PASD1: variants seen among roughly 807,000 people sequenced by gnomAD.
PASD1 encodes PAS domain containing repressor 1.
PASD1 carries 13 observed loss-of-function variants against 58.8 expected under a neutral mutation model. The ratio of observed to expected loss-of-function variants is 0.22; its 90% CI spans 0.14 to 0.35. The LOEUF (loss-of-function observed/expected upper bound fraction) is 0.35, where lower values mean the gene tolerates loss of function less well. Among genes scored for constraint, PASD1 ranks in the 10% least tolerant of loss-of-function variants. The pLI, the probability that PASD1 is intolerant of heterozygous loss-of-function variation, is 1.00. For missense variants in PASD1, 734 were observed against 568.3 expected, an observed-to-expected ratio of 1.29 and a Z score of -2.96; for synonymous variants, 236 against 216.7, an observed-to-expected ratio of 1.09 and a Z score of -0.78.
intron 8 of PASD1, among the ~76,000 whole-genome samples, chrX:151,627,993 T>A (rs1462877358): frequency 4.5e-5 from 5 of 112,198 alleles, no homozygotes; most frequent in Non-Finnish European, 9.4e-5. Context: ...TTTGGCTGCA[T>A]AAATGTCTTC....
chrX:151,630,077 C>G (rs1207625811), intron 8 of PASD1, among the ~76,000 whole-genome samples: 1 of 111,643 alleles, frequency 9.0e-6, no homozygotes, highest in Non-Finnish European at 1.9e-5. Context: ...CACTCTTTCC[C>G]CTAAAGTTCA....
chrX:151,589,388 C>T (rs985749902), intron 1 of PASD1, among the ~76,000 whole-genome samples: 2 of 111,556 alleles, frequency 1.8e-5, no homozygotes, highest in Non-Finnish European at 3.8e-5. Flanking sequence ...AGAAACCTCT[C>T]TGTATTGCCA....
intron 15 of PASD1, 124 bp downstream of exon 15, chrX:151,674,310 A>G (rs2124322475): frequency 2.2e-6 from 2 of 892,449 alleles, no homozygotes; most frequent in South Asian, 2.4e-5. Flanking sequence ...AGCTCAGTAC[A>G]TTTGACGGCA....
chrX:151,630,662 C>T lies in PASD1; in HGVS notation c.629+5132C>T, dbSNP rs192215577. Among the ~76,000 whole-genome samples, 160 of 112,314 alleles carry T rather than the reference C, an allele frequency of 1.4e-3. 1 individual carries two copies. Among genetic ancestry groups the T allele is most frequent in the African/African-American group, 4.7e-3 (147 of 30,951 alleles). ...TAGAAAAGCAATTGTTCACAAAGGT[C>T]GTAGGGACCCACAGCTCCCAAAATG... is the stretch of plus-strand genomic sequence containing the variant. On this transcript the variant is annotated intron_variant, in intron 8 of 15. Transcript: ENST00000370357.
intron 1 of PASD1, among the ~76,000 whole-genome samples, chrX:151,586,735 T>A (rs1184112209): frequency 8.9e-6 from 1 of 111,784 alleles, no homozygotes; most frequent in East Asian, 2.8e-4. Context: ...CTTAGAGAAC[T>A]TGATGCCGTG....
At position 151,648,669 on chromosome X, in the gene PASD1, C is replaced by CGCTGCT; in HGVS notation, c.703_708dup (p.Ala235_Ala236dup). The CGCTGCT allele has an allele frequency of 8.3e-6, 10 of 1,209,247 alleles. No individual in the cohort carries two copies. Among genetic ancestry groups the CGCTGCT allele is most frequent in the Non-Finnish European group, 1.1e-5 (10 of 893,980 alleles). On this transcript the variant is annotated inframe_insertion, in exon 9 of 16. Transcript: ENST00000370357. Reference sequence around the variant, plus strand: ...GCATGAAAGCCGTGTACGTTGAACCCGCTGCTGCTGCTGCTGCTGCTGCTA... The same window carrying CGCTGCT: ...GCATGAAAGCCGTGTACGTTGAACCCGCTGCTGCTGCTGCTGCTGCTGCTGCTGCTA...
intron 4 of PASD1, among the ~76,000 whole-genome samples, chrX:151,613,479 C>G (rs1014262474): frequency 3.0e-4 from 33 of 108,789 alleles, no homozygotes; most frequent in African/African-American, 1.1e-3. Flanking sequence ...TTGTTTGTAT[C>G]CTCTTTTATT....
intron 1 of PASD1, among the ~76,000 whole-genome samples, chrX:151,577,977 A>G (rs1407363082): frequency 8.9e-6 from 1 of 111,759 alleles, no homozygotes; most frequent in Non-Finnish European, 1.9e-5. Context: ...CCATTCATAA[A>G]CCTTGGAGGG....
chrX:151,612,232 C>G (rs796813566), intron 4 of PASD1, among the ~76,000 whole-genome samples: 1 of 81,243 alleles, frequency 1.2e-5, no homozygotes, highest in Non-Finnish European at 2.4e-5. Flanking sequence ...GGACATTTGG[C>G]TGGTTCCAAG....
intron 8 of PASD1, among the ~76,000 whole-genome samples, chrX:151,634,635 G>C (rs1242661700): frequency 1.8e-5 from 2 of 111,353 alleles, no homozygotes; most frequent in African/African-American, 6.5e-5. Context: ...ATATTTTATG[G>C]AATGTCCCTC....
chrX:151,636,003 T>A (rs966862168), intron 8 of PASD1, among the ~76,000 whole-genome samples: 5 of 111,667 alleles, frequency 4.5e-5, no homozygotes, highest in Admixed American at 9.5e-5. Context: ...CATATATAAT[T>A]TTTACTTCTT....
intron 8 of PASD1, among the ~76,000 whole-genome samples, chrX:151,644,476 T>G (rs1196616840): frequency 8.9e-6 from 1 of 112,151 alleles, no homozygotes; most frequent in Non-Finnish European, 1.9e-5. Context: ...ACCTGCTTCT[T>G]GGCTCCAAAG....
intron 1 of PASD1, among the ~76,000 whole-genome samples, chrX:151,568,854 G>C (rs369069971): frequency 1.8e-5 from 2 of 111,378 alleles, no homozygotes; most frequent in East Asian, 5.7e-4. Flanking sequence ...ACTTTTCGGT[G>C]AACTTCTCCA....
At chrX:151,635,924 T>A (rs904004413) in intron 8 of PASD1, among the ~76,000 whole-genome samples, 1 of 111,856 alleles carries the variant, frequency 8.9e-6, no homozygotes. Flanking sequence ...TTGCATATTT[T>A]AAATAGCTTG....
intron 1 of PASD1, among the ~76,000 whole-genome samples, chrX:151,591,419 G>C (rs1443331894): frequency 9.0e-6 from 1 of 111,724 alleles, no homozygotes; most frequent in African/African-American, 3.3e-5. Flanking sequence ...ATGTTTGCAA[G>C]TGTGACCCTC....
chrX:151,565,228 G>T (rs1231753900), intron 1 of PASD1, among the ~76,000 whole-genome samples: 2 of 112,192 alleles, frequency 1.8e-5, no homozygotes, highest in African/African-American at 6.5e-5. Context: ...GTACTGAGGG[G>T]TAAAGACACT....
chrX:151,656,709 G>A (rs1297288815), intron 9 of PASD1, among the ~76,000 whole-genome samples: 1 of 111,853 alleles, frequency 8.9e-6, no homozygotes, highest in Non-Finnish European at 1.9e-5. Flanking sequence ...CATTGATTTT[G>A]TATCCTGAGA....
rs768911113 is a variant in PASD1 at position 151,671,176 on chromosome X, TTGA to T, written c.1216_1218del (p.Met406del). 6.6e-6 allele frequency: 8 copies of T among 1,211,370 alleles called. No individual in the cohort carries two copies. Among genetic ancestry groups the T allele is most frequent in the African/African-American group, 1.7e-5 (1 of 57,794 alleles). On this transcript the variant is annotated inframe_deletion, in exon 12 of 16. Coordinates refer to ENST00000370357, the MANE Select transcript of PASD1 (RefSeq NM_173493.3). ...CCAAAACCAGCAGAATGCATTGGAA[TTGA>T]TGATGGATCACCTTCAGGTCAGTCA...
intron 6 of PASD1, among the ~76,000 whole-genome samples, chrX:151,622,718 A>G (rs762921727): frequency 9.0e-6 from 1 of 110,955 alleles, no homozygotes; most frequent in Non-Finnish European, 1.9e-5. Context: ...GAAGACTGAA[A>G]ACCAACCTTA....
Sources: allele counts gnomAD v4.1 joint callset (sites outside exome capture counted in the v4.1 genomes callset), GRCh38; gene constraint gnomAD v4.1.1; transcripts MANE v1.5; gene names NCBI Gene and HGNC (gene_info 2026-07-23, HGNC 2026-07-21).